The following RAD51B variants were observed in gnomAD, a reference collection of about 807,000 sequenced individuals.
RAD51B encodes DNA repair protein RAD51 homolog 2.
A neutral mutation model predicts 42.2 loss-of-function variants in RAD51B; 38 were observed. That is an observed-to-expected ratio of 0.90 (90% CI 0.70 to 1.18). The LOEUF (loss-of-function observed/expected upper bound fraction) is 1.18. Ranked by LOEUF, RAD51B falls within the 50% of genes most tolerant of loss-of-function variation. RAD51B has a pLI of 0.00. For synonymous variants in RAD51B, 154 were observed against 145.2 expected (o/e 1.06, Z -0.43); for missense variants, 373 against 400.7 (o/e 0.93, Z 0.59).
At chr14:67,871,602 C>T (rs2042534328) in intron 5 of RAD51B, among the ~76,000 whole-genome samples, 1 of 152,104 alleles carries the variant, frequency 6.6e-6, no homozygotes, top group Admixed American at 6.5e-5. Flanking sequence ...CCAGCATCAT[C>T]CTGATACCAA....
At chr14:68,140,943 A>ACTGG (rs1219635667) in intron 7 of RAD51B, among the ~76,000 whole-genome samples, 4 of 152,254 alleles carry the variant, frequency 2.6e-5, no homozygotes. Flanking sequence ...CAAACTCTGA[A>ACTGG]CTGGGTATTG....
chr14:68,063,214 C>A (rs1272036694), intron 7 of RAD51B, among the ~76,000 whole-genome samples: 3 of 151,334 alleles, frequency 2.0e-5, no homozygotes, highest in Non-Finnish European at 4.4e-5. Context: ...TTTTTTAAGT[C>A]TCTATTTTGT....
At chr14:68,420,696 G>A (rs1225229435) in intron 9 of RAD51B, among the ~76,000 whole-genome samples, 1 of 152,160 alleles carries the variant, frequency 6.6e-6, no homozygotes, top group African/African-American at 2.4e-5. Context: ...GTGGGCTTTG[G>A]CCAACTTCTT....
At chr14:68,443,408 T>G (rs1184360203) in intron 9 of RAD51B, among the ~76,000 whole-genome samples, 1 of 152,214 alleles carries the variant, frequency 6.6e-6, no homozygotes, top group Non-Finnish European at 1.5e-5. Context: ...CCTCTGACTC[T>G]TCCAGGGCAG....
At chr14:68,563,786 G>T in intron 10 of RAD51B, 3 of 985,264 alleles carry the variant, frequency 3.0e-6, no homozygotes, top group Non-Finnish European at 3.6e-6. Context: ...CTGATTTTCC[G>T]TAAGAAACGA....
intron 7 of RAD51B, among the ~76,000 whole-genome samples, chr14:67,942,395 A>G (rs1214704849): frequency 2.6e-5 from 4 of 152,220 alleles, no homozygotes; most frequent in Non-Finnish European, 5.9e-5. Flanking sequence ...GGAAATCACA[A>G]TGTAGCAGAG....
At chr14:68,112,307 C>T (rs1038542106) in intron 7 of RAD51B, among the ~76,000 whole-genome samples, 2 of 152,026 alleles carry the variant, frequency 1.3e-5, no homozygotes, top group African/African-American at 4.8e-5. Context: ...GGCTCAATCT[C>T]AACTGTCCTC....
intron 9 of RAD51B, among the ~76,000 whole-genome samples, chr14:68,457,702 G>C: frequency 6.6e-6 from 1 of 151,118 alleles, no homozygotes; most frequent in African/African-American, 2.4e-5. Context: ...GGGTTCAAGC[G>C]ATTCTCCTGC....
At chr14:68,672,855 T>G (rs1372996689) in intron 11 of RAD51B, among the ~76,000 whole-genome samples, 1 of 152,236 alleles carries the variant, frequency 6.6e-6, no homozygotes, top group Non-Finnish European at 1.5e-5. Flanking sequence ...ACCTTTCTCT[T>G]GCTTTGCACT....
chr14:68,614,453 T>C (rs1056632010), downstream of RAD51B, among the ~76,000 whole-genome samples: 7 of 152,216 alleles, frequency 4.6e-5, no homozygotes, highest in Admixed American at 1.3e-4. Flanking sequence ...ATCACCATTA[T>C]CTAGTTCCGA....
intron 10 of RAD51B, among the ~76,000 whole-genome samples, chr14:68,551,662 C>T (rs909771851): frequency 6.6e-6 from 1 of 152,238 alleles, no homozygotes; most frequent in Non-Finnish European, 1.5e-5. Context: ...CTTATTTACA[C>T]CTCAGCACCT....
At chr14:68,322,883 G>A (rs1442608283) in intron 8 of RAD51B, among the ~76,000 whole-genome samples, 1 of 152,196 alleles carries the variant, frequency 6.6e-6, no homozygotes, top group Non-Finnish European at 1.5e-5. Context: ...TTGGCTTTGT[G>A]TAATTACCAG....
chr14:68,665,279 C>T (rs906924595), intron 11 of RAD51B, among the ~76,000 whole-genome samples: 8 of 152,382 alleles, frequency 5.2e-5, no homozygotes, highest in Non-Finnish European at 7.3e-5. Context: ...AGTGGGATGA[C>T]GCCATTGGGT....
intron 7 of RAD51B, among the ~76,000 whole-genome samples, chr14:68,240,472 G>A (rs2080359511): frequency 6.6e-6 from 1 of 152,212 alleles, no homozygotes; most frequent in South Asian, 2.1e-4. Flanking sequence ...AGTGATAAAG[G>A]ATGATTCTTT....
chr14:68,259,293 G>C (rs2080825360), intron 7 of RAD51B, among the ~76,000 whole-genome samples: 1 of 143,114 alleles, frequency 7.0e-6, no homozygotes, highest in Admixed American at 7.1e-5. Flanking sequence ...ACACACCGGG[G>C]ACTGTTGTGG....
intron 10 of RAD51B, among the ~76,000 whole-genome samples, chr14:68,491,936 A>G (rs1183648882): frequency 1.3e-5 from 2 of 152,228 alleles, no homozygotes; most frequent in African/African-American, 4.8e-5. Context: ...GTCCTTCCAC[A>G]GGCCTAGAAA....
intron 10 of RAD51B, among the ~76,000 whole-genome samples, chr14:68,564,747 G>T (rs1268474708): frequency 2.0e-5 from 3 of 152,232 alleles, no homozygotes; most frequent in Non-Finnish European, 4.4e-5. Flanking sequence ...GGGTTGAGCT[G>T]AAATGGAAAA....
chr14:68,526,181 T>A (rs1428840393), intron 10 of RAD51B, among the ~76,000 whole-genome samples: 1 of 152,242 alleles, frequency 6.6e-6, no homozygotes, highest in African/African-American at 2.4e-5. Flanking sequence ...GTTGCTGTTG[T>A]TTCTATCGTT....
chr14:68,528,850 G>T (rs1257917271), intron 10 of RAD51B, among the ~76,000 whole-genome samples: 2 of 152,188 alleles, frequency 1.3e-5, no homozygotes, highest in Non-Finnish European at 2.9e-5. Flanking sequence ...TGTGAGGTAG[G>T]TATTATCATT....
Sources: allele counts gnomAD v4.1 joint callset (sites outside exome capture counted in the v4.1 genomes callset), GRCh38; gene constraint gnomAD v4.1.1; transcripts MANE v1.5; gene names NCBI Gene and HGNC (gene_info 2026-07-23, HGNC 2026-07-21).